KLHL6: variants seen among roughly 807,000 people sequenced by gnomAD.
KLHL6 encodes kelch-like protein 6.
In KLHL6, 41 loss-of-function variants were observed where a neutral mutation model predicts 58.6. The observed-to-expected ratio is 0.70, with a 90% CI of 0.55 to 0.91. The LOEUF (loss-of-function observed/expected upper bound fraction) is 0.91. KLHL6 is among the 40% of genes least tolerant of loss of function. KLHL6 has a pLI of 0.00. For missense variants in KLHL6, 714 were observed against 805.6 expected (o/e 0.89, Z 1.38); for synonymous variants, 338 against 322.7 (o/e 1.05, Z -0.51).
intron 1 of KLHL6, among the ~76,000 whole-genome samples, chr3:183,546,625 T>C (rs1462822694): frequency 6.6e-6 from 1 of 152,256 alleles, no homozygotes; most frequent in Non-Finnish European, 1.5e-5. Context: ...GTTCCTACTA[T>C]CATTTACATA....
At chr3:183,511,805 C>T (rs1478904517) in intron 2 of KLHL6, among the ~76,000 whole-genome samples, 2 of 152,174 alleles carry the variant, frequency 1.3e-5, no homozygotes, top group Non-Finnish European at 2.9e-5. Context: ...GAGGTTGGGG[C>T]AGTTACAGAT....
intron 2 of KLHL6, among the ~76,000 whole-genome samples, chr3:183,512,782 G>T (rs4065336): frequency 7.9e-5 from 12 of 151,578 alleles, no homozygotes; most frequent in Non-Finnish European, 1.6e-4. Context: ...TGAGCCACCA[G>T]GCCGGGACTA....
intron 1 of KLHL6, among the ~76,000 whole-genome samples, chr3:183,552,717 CAAAAAAAAAAAAAAA>C (rs1169148282): frequency 4.2e-5 from 2 of 47,608 alleles, no homozygotes; most frequent in Non-Finnish European, 8.8e-5. Flanking sequence ...GACTCCGTCT[CAAAAAAAAAAAAAAA>C]AAAAAAAAAA....
chr3:183,499,665 GCT>G lies in KLHL6; in HGVS notation c.1070_1071del (p.Glu357AlafsTer2), dbSNP rs757708985. 6.2e-7 allele frequency: 1 copy of G among 1,611,616 alleles called. No homozygotes were observed. The highest frequency in any genetic ancestry group is 1.3e-5 in the African/African-American group (1 of 75,050). ...RLEVAKLPLT[E>X]HELESENKKW... ...TTCTTATTCTCACTCTCCAGCTCATGCTCTGTTAGCGGGAGCTTGGCCACCTC... is the reference window on the plus strand; with the variant it reads ...TTCTTATTCTCACTCTCCAGCTCATGCTGTTAGCGGGAGCTTGGCCACCTC... On this transcript the variant is annotated frameshift_variant, in exon 4 of 7. Transcript: ENST00000341319. LOFTEE classifies it high-confidence loss of function. The surrounding 1 kb of genome is among the most constrained non-coding windows in gnomAD (Gnocchi z 4.6).
At chr3:183,552,040 T>C (rs1712933851) in intron 1 of KLHL6, 1 of 152,196 alleles carries the variant, frequency 6.6e-6, no homozygotes, top group African/African-American at 2.4e-5. Flanking sequence ...AGATATTCTT[T>C]CTCATTTATC....
intron 2 of KLHL6, among the ~76,000 whole-genome samples, chr3:183,525,197 G>A (rs1032136525): frequency 4.0e-5 from 6 of 151,706 alleles, no homozygotes; most frequent in Admixed American, 1.3e-4. Flanking sequence ...CCGGGAGGCG[G>A]AGGTTGCAGT....
intron 4 of KLHL6, among the ~76,000 whole-genome samples, chr3:183,496,243 A>G (rs1250157872): frequency 2.0e-5 from 3 of 152,182 alleles, no homozygotes; most frequent in African/African-American, 7.2e-5. Flanking sequence ...GGAAGTGTCA[A>G]AGAGTATGAA....
chr3:183,514,738 G>A (rs968019692), intron 2 of KLHL6, among the ~76,000 whole-genome samples: 2 of 150,924 alleles, frequency 1.3e-5, no homozygotes, highest in African/African-American at 2.4e-5. Flanking sequence ...GCACGATCTC[G>A]GCTCATTGCA....
At chr3:183,519,041 G>T (rs758599640) in intron 2 of KLHL6, among the ~76,000 whole-genome samples, 10 of 152,178 alleles carry the variant, frequency 6.6e-5, no homozygotes, top group African/African-American at 9.7e-5. Flanking sequence ...TGCCTTGATC[G>T]CCGAGCTGAA....
intron 3 of KLHL6, 21 bp downstream of exon 3, chr3:183,508,038 C>T: frequency 6.2e-7 from 1 of 1,600,808 alleles, no homozygotes. Flanking sequence ...TTAAATATAG[C>T]ACCTCTTATC....
Position 183,508,501 on chromosome 3 carries a change from C to G in KLHL6, c.467G>C (p.Arg156Pro). The G allele has an allele frequency of 1.2e-6, 2 of 1,612,472 alleles. No homozygotes were observed. The highest frequency in any genetic ancestry group is 1.7e-6 in the Non-Finnish European group (2 of 1,179,076). The change falls in exon 3 of 7, where the codon CGG becomes CCG. Residue 156 changes from arginine (R) to proline (P), a missense_variant. Physicochemically the swap from Arg to Pro is moderately radical, Grantham distance 103. Around this residue, in one of 2 missense-constraint regions of KLHL6, gnomAD observed 510 missense variants for 629.7 expected, o/e 0.81. Transcript: ENST00000341319. ...GAAGCTGGCACAGGCATCCACCATC[C>G]GCAGGAACTGATGAAATAGAAAGGG... ...LEAANLFQFLRMVDACASFLT... is the reference protein window; with the variant it reads ...LEAANLFQFLPMVDACASFLT...
chr3:183,511,644 T>G (rs1361872185), intron 2 of KLHL6, among the ~76,000 whole-genome samples: 1 of 152,194 alleles, frequency 6.6e-6, no homozygotes, highest in African/African-American at 2.4e-5. Flanking sequence ...ATTGTGCCCC[T>G]GGTTTATTGA....
chr3:183,512,929 T>A (rs1476094604), intron 2 of KLHL6, among the ~76,000 whole-genome samples: 1 of 152,138 alleles, frequency 6.6e-6, no homozygotes, highest in East Asian at 1.9e-4. Context: ...CTTCACCACT[T>A]CCTATCCTCT....
At position 183,508,490 on chromosome 3, in the gene KLHL6, C is replaced by T. The variant is rs920888762; in HGVS notation, c.478G>A (p.Ala160Thr). ...GCTTCAGTGAGGAAGCTGGCACAGG[C>T]ATCCACCATCCGCAGGAACTGATGA... ...NLFQFLRMVD[A>T]CASFLTEALN... Residue 160 changes from alanine (A) to threonine (T), a missense_variant, in exon 3 of 7, where the codon GCC (alanine) becomes ACC (threonine). Physicochemically the swap from Ala to Thr is moderately conservative, Grantham distance 58. Transcript: ENST00000341319. 2.5e-6 allele frequency: 4 copies of T among 1,613,678 alleles called. No homozygotes were observed. Among genetic ancestry groups the T allele is most frequent in the Non-Finnish European group, 3.4e-6 (4 of 1,179,714 alleles).
At chr3:183,535,391 C>T (rs1254030208) in intron 1 of KLHL6, among the ~76,000 whole-genome samples, 4 of 152,196 alleles carry the variant, frequency 2.6e-5, no homozygotes, top group Admixed American at 2.6e-4. Context: ...CCCAGACCTA[C>T]AGTCATCTCA....
intron 1 of KLHL6, among the ~76,000 whole-genome samples, 162 bp from the exon 2 acceptor site, chr3:183,528,172 A>T (rs957998852): frequency 6.6e-6 from 1 of 152,036 alleles, no homozygotes; most frequent in African/African-American, 2.4e-5. Context: ...TACGCATTAG[A>T]CATTTCATCA....
chr3:183,508,786 T>G (rs747178836), intron 2 of KLHL6, among the ~76,000 whole-genome samples: 6 of 152,158 alleles, frequency 3.9e-5, no homozygotes, highest in Non-Finnish European at 8.8e-5. Flanking sequence ...TACAGTCGAC[T>G]TAAAACAATG....
chr3:183,491,977 T>C lies in KLHL6; in HGVS notation c.1816A>G (p.Lys606Glu). The C allele has an allele frequency of 5.1e-6, 8 of 1,571,342 alleles. No homozygotes were observed. Among genetic ancestry groups the C allele is most frequent in the Non-Finnish European group, 6.9e-6 (8 of 1,156,734 alleles). The change falls in exon 7 of 7, where the codon AAG becomes GAG. Residue 606 changes from lysine to glutamate, a missense_variant. Transcript: ENST00000341319. ...ATCCTGCGGATGTGGGTGTACGACT[T>C]CCTGATGGTGACGCTGCCGTGGTGC... ...VSHHGSVTIR[K>E]SYTHIRRIVP...
At chr3:183,547,680 T>C (rs1712770794) in intron 1 of KLHL6, among the ~76,000 whole-genome samples, 1 of 152,244 alleles carries the variant, frequency 6.6e-6, no homozygotes, top group African/African-American at 2.4e-5. Context: ...TAAGCATTTT[T>C]TCCCAGTTTG....
Sources: allele counts gnomAD v4.1 joint callset (sites outside exome capture counted in the v4.1 genomes callset), GRCh38; gene constraint gnomAD v4.1.1; regional missense constraint gnomAD v4.1.1; non-coding constraint Gnocchi (gnomAD v3.1); transcripts MANE v1.5; gene names NCBI Gene and HGNC (gene_info 2026-07-23, HGNC 2026-07-21).